Variants in LRRC36 observed in about 807,000 individuals in gnomAD.
The protein encoded by LRRC36 is leucine-rich repeat-containing protein 36.
LRRC36 carries 62 observed loss-of-function variants against 81.1 expected under a neutral mutation model. The ratio of observed to expected loss-of-function variants is 0.76; its 90% CI spans 0.62 to 0.94. The LOEUF (loss-of-function observed/expected upper bound fraction) is 0.94. Among genes scored for constraint, LRRC36 ranks in the 40% least tolerant of loss-of-function variants. The probability of loss-of-function intolerance (pLI) is 0.00; values close to 1 mark genes in which losing one functional copy is unlikely to be tolerated. For missense variants in LRRC36, 761 were observed against 881.7 expected, an observed-to-expected ratio of 0.86 and a Z score of 1.73; for synonymous variants, 334 against 348.6, an observed-to-expected ratio of 0.96 and a Z score of 0.47.
intron 8 of LRRC36, among the ~76,000 whole-genome samples, chr16:67,370,522 A>G (rs912421356): frequency 2.0e-5 from 3 of 151,162 alleles, no homozygotes; most frequent in Non-Finnish European, 2.9e-5. Flanking sequence ...AGACCCAGCT[A>G]CTCGGGAGGC....
At chr16:67,380,410 A>G (rs1467672095) in intron 12 of LRRC36, among the ~76,000 whole-genome samples, 2 of 152,160 alleles carry the variant, frequency 1.3e-5, no homozygotes, top group Admixed American at 6.5e-5. Context: ...GAAAAATAAT[A>G]TCCTTTTTAA....
In LRRC36 at chr16:67,376,348, A is replaced by C. The variant is rs188753173; in HGVS notation, c.1661-379A>C. On this transcript the variant is annotated intron_variant, in intron 10 of 13. Coordinates refer to ENST00000329956, the MANE Select transcript of LRRC36 (RefSeq NM_018296.6). Reference sequence around the variant, plus strand: ...AAATGAAAAAAACAAAAAAACTAGAAACTTAAACGTTGTTTGGGGTTAAAA... The same window carrying C: ...AAATGAAAAAAACAAAAAAACTAGACACTTAAACGTTGTTTGGGGTTAAAA... Among the ~76,000 whole-genome samples, 54 of 152,276 alleles carry C rather than the reference A, an allele frequency of 3.5e-4. No homozygotes were observed. In the East Asian group the frequency reaches 9.4e-3, roughly 27 times the overall value.
At position 67,378,639 on chromosome 16, in the gene LRRC36, G is replaced by C. The variant is rs1172476340; in HGVS notation, c.1857G>C (p.Leu619Phe). The C allele has an allele frequency of 6.2e-7, 1 of 1,614,132 alleles. No individual in the cohort carries two copies. Among genetic ancestry groups the C allele is most frequent in the Non-Finnish European group, 8.5e-7 (1 of 1,179,982 alleles). The change falls in exon 12 of 14, where the codon TTG (leucine) becomes TTC (phenylalanine). Residue 619 changes from leucine to phenylalanine, a missense_variant. Leu to Phe is a conservative substitution (Grantham distance 22). This residue lies in a region of LRRC36 where 359 missense variants were observed against 388.4 expected (regional missense o/e 0.92). Coordinates refer to ENST00000329956, the MANE Select transcript of LRRC36 (RefSeq NM_018296.6). ...GAGTGCTGGAGGAAAACCTCATTTT[G>C]TCAGAAAAAATTCAACAGTTGGAGG... ...LVRVLEENLI[L>F]SEKIQQLEEG...
chr16:67,328,753 C>T (rs893365770), intron 1 of LRRC36, among the ~76,000 whole-genome samples: 1 of 151,902 alleles, frequency 6.6e-6, no homozygotes, highest in Non-Finnish European at 1.5e-5. Flanking sequence ...ACTCTATTAG[C>T]CTACCTCAAC....
At chr16:67,355,841 C>A (rs1278206441) in intron 5 of LRRC36, among the ~76,000 whole-genome samples, 2 of 152,072 alleles carry the variant, frequency 1.3e-5, no homozygotes, top group Non-Finnish European at 2.9e-5. Flanking sequence ...GGTTTTATGG[C>A]AGATATGGAA....
intron 4 of LRRC36, chr16:67,348,341 G>A (rs2038451916): frequency 6.6e-6 from 1 of 151,800 alleles, no homozygotes; most frequent in African/African-American, 2.4e-5. Flanking sequence ...TGATGACAAA[G>A]GTAATACATG....
chr16:67,373,496 C>T (rs1381426430), intron 9 of LRRC36, among the ~76,000 whole-genome samples: 1 of 150,692 alleles, frequency 6.6e-6, no homozygotes. Flanking sequence ...CACCTGAAGT[C>T]AGGAGTTTGA....
At chr16:67,353,968 T>A (rs1422291025) in intron 5 of LRRC36, among the ~76,000 whole-genome samples, 1 of 152,218 alleles carries the variant, frequency 6.6e-6, no homozygotes, top group East Asian at 1.9e-4. Context: ...TGATTTATTA[T>A]GCTTGCCTGC....
Position 67,331,500 on chromosome 16 carries a change from A to G in LRRC36, c.70+4568A>G, listed in dbSNP as rs374851671. Among the ~76,000 whole-genome samples, 72 of 152,328 alleles carry G rather than the reference A, an allele frequency of 4.7e-4. 1 individual carries two copies. Among genetic ancestry groups the G allele is most frequent in the African/African-American group, 1.6e-3 (68 of 41,576 alleles). ...TGATAGTGCTACTGCCCTCCAGCCTAGTTGACAGAGCAAGGCCCTATCTCT... is the reference window on the plus strand; with the variant it reads ...TGATAGTGCTACTGCCCTCCAGCCTGGTTGACAGAGCAAGGCCCTATCTCT... On this transcript the variant is annotated intron_variant, in intron 1 of 13. Transcript: ENST00000329956.
chr16:67,332,640 G>A (rs555191433), intron 1 of LRRC36, among the ~76,000 whole-genome samples: 1 of 152,272 alleles, frequency 6.6e-6, no homozygotes, highest in South Asian at 2.1e-4. Flanking sequence ...ATTAAAGAAT[G>A]TTTGTCTTTG....
At chr16:67,344,635 C>A (rs943463716) in intron 2 of LRRC36, among the ~76,000 whole-genome samples, 2 of 152,012 alleles carry the variant, frequency 1.3e-5, no homozygotes, top group Non-Finnish European at 2.9e-5. Flanking sequence ...GGCCATTAGA[C>A]CATGAAAGAC....
At chr16:67,380,791 C>A (rs1427281262) in intron 12 of LRRC36, among the ~76,000 whole-genome samples, 1 of 152,142 alleles carries the variant, frequency 6.6e-6, no homozygotes, top group Non-Finnish European at 1.5e-5. Flanking sequence ...GCCTTGTTTT[C>A]CACCTTCTAG....
At chr16:67,346,938 G>A (rs543042459) in intron 3 of LRRC36, among the ~76,000 whole-genome samples, 4 of 151,988 alleles carry the variant, frequency 2.6e-5, no homozygotes, top group Admixed American at 6.6e-5. Context: ...GCAGTGGCAC[G>A]ATCTTGGCTC....
intron 5 of LRRC36, among the ~76,000 whole-genome samples, chr16:67,354,151 C>G (rs1330249386): frequency 6.6e-6 from 1 of 152,106 alleles, no homozygotes; most frequent in East Asian, 1.9e-4. Flanking sequence ...ACTCCTTCCT[C>G]CCCCAAATAG....
At chr16:67,348,970 A>T (rs1236341563) in intron 4 of LRRC36, among the ~76,000 whole-genome samples, 1 of 151,776 alleles carries the variant, frequency 6.6e-6, no homozygotes, top group African/African-American at 2.4e-5. Flanking sequence ...TTAGTTTCCT[A>T]TTTTTTTCTT....
intron 9 of LRRC36, chr16:67,371,478 A>C (rs1414061834): frequency 3.7e-6 from 2 of 547,850 alleles, no homozygotes; most frequent in Non-Finnish European, 6.6e-6. Flanking sequence ...ACTGTCCCTG[A>C]TCTACTTCCG....
intron 9 of LRRC36, among the ~76,000 whole-genome samples, chr16:67,373,261 G>A (rs1396272214): frequency 6.6e-6 from 1 of 152,040 alleles, no homozygotes; most frequent in East Asian, 1.9e-4. Flanking sequence ...GATCTTAAAA[G>A]CTCCTTTTTT....
chr16:67,331,066 AGAAAGAGAGAG>A (rs2037460401), intron 1 of LRRC36, among the ~76,000 whole-genome samples: 1 of 112,066 alleles, frequency 8.9e-6, no homozygotes, highest in Non-Finnish European at 1.8e-5. Context: ...GATGTGAGAG[AGAAAGAGAGAG>A]AGAGAGAGAG....
chr16:67,384,807 G>A lies in LRRC36; in HGVS notation c.2046-63G>A, dbSNP rs900184754. On this transcript the variant is annotated intron_variant, in intron 13 of 13. Transcript: ENST00000329956. Reference sequence around the variant, plus strand: ...ACATTTGCCTTTGGGAGACATTTTGGGTCTGCATGGTATCTCTCTTGCTTT... The same window carrying A: ...ACATTTGCCTTTGGGAGACATTTTGAGTCTGCATGGTATCTCTCTTGCTTT... 3.9e-5 allele frequency: 49 copies of A among 1,260,204 alleles called. 1 individual carries two copies. In the South Asian group the frequency reaches 5.9e-4, roughly 15 times the overall value. The allele number at this position is 1,260,204 out of a possible 1,614,324, so 78.1% of individuals were successfully genotyped here.
Sources: gnomAD v4.1 joint callset for allele counts (sites outside exome capture counted in the v4.1 genomes callset) on GRCh38, gnomAD v4.1.1 for gene constraint, gnomAD v4.1.1 regional missense constraint, MANE v1.5 for transcripts, NCBI Gene and HGNC (gene_info 2026-07-23, HGNC 2026-07-21) for gene names.